CELSR3: variants seen among roughly 807,000 people sequenced by gnomAD.
CELSR3 encodes cadherin EGF LAG seven-pass G-type receptor 3.
A neutral mutation model predicts 270.0 loss-of-function variants in CELSR3; 73 were observed. The observed-to-expected ratio is 0.27, with a 90% CI of 0.22 to 0.33. The LOEUF (loss-of-function observed/expected upper bound fraction) is 0.33. Ranked by LOEUF, CELSR3 falls within the 10% of genes least tolerant of loss-of-function variation. The pLI, the probability that CELSR3 is intolerant of heterozygous loss-of-function variation, is 1.00. For missense variants in CELSR3, 3,614 were observed against 4,533.8 expected (o/e 0.80, Z 5.83); for synonymous variants, 1,780 against 1,905.4 (o/e 0.93, Z 1.71).
rs754913284 is a variant in CELSR3, at chr3:48,645,333, A to G, written c.7797+110T>C. On this transcript the variant is annotated intron_variant, in intron 24 of 34. Transcript: ENST00000164024. The surrounding 1 kb of genome is among the most constrained non-coding windows in gnomAD (Gnocchi z 5.4). Reference sequence around the variant, plus strand: ...ATCTTACCCCAGCATCCTGCTGAAAACCCTGGCCCCAACCTGAGCATCCCT... The same window carrying G: ...ATCTTACCCCAGCATCCTGCTGAAAGCCCTGGCCCCAACCTGAGCATCCCT... The G allele has an allele frequency of 3.2e-6, 5 of 1,556,338 alleles. No individual in the cohort carries two copies. The highest frequency in any genetic ancestry group is 4.4e-6 in the Non-Finnish European group (5 of 1,138,392).
In CELSR3 at chr3:48,641,452, T is replaced by C. The variant is rs1317407158; in HGVS notation, c.8897A>G (p.Gln2966Arg). The C allele has an allele frequency of 1.9e-6, 3 of 1,612,286 alleles. No homozygotes were observed. The East Asian group carries it at 6.7e-5, about 36-fold the overall frequency. ...CAGGCGCCTTTCAGAGCCCCAAGTC[T>C]GCAGAGCACAGGGGGCTGCCTCGCA... is the stretch of plus-strand genomic sequence containing the variant. ...GECEAAPCAL[Q>R]TWGSERRLGL... Residue 2966 changes from glutamine to arginine, a missense_variant, in exon 33 of 35, where the codon CAG becomes CGG. This residue lies in a region of CELSR3 where 1,240 missense variants were observed against 1,351.7 expected (regional missense o/e 0.92). Coordinates refer to ENST00000164024, the MANE Select transcript of CELSR3 (RefSeq NM_001407.3). This position sits in a 1 kb window ranked among gnomAD's most constrained non-coding sequence, Gnocchi z 4.8.
chr3:48,656,405 C>A (rs943129868), intron 2 of CELSR3, 40 bp from the exon 3 acceptor site: 3 of 1,384,904 alleles, frequency 2.2e-6, no homozygotes, highest in African/African-American at 3.1e-5. Flanking sequence ...CACGCCCACG[C>A]CCGCCCCTGC....
rs200275511 is a variant in CELSR3, at chr3:48,638,196, G to A, written c.*9C>T. 1.4e-4 allele frequency: 230 copies of A among 1,611,564 alleles called. No homozygotes were observed. The African/African-American group carries it at 2.8e-3, about 20-fold the overall frequency. ...CCCTCAGCTGTTCCTCGTCCACGCC[G>A]TCATCCCCTCAGGAGTGACCCTCAC... is the stretch of plus-strand genomic sequence containing the variant. On this transcript the variant is annotated 3_prime_UTR_variant, in exon 35 of 35. Transcript: ENST00000164024.
rs1274456913 is a variant in CELSR3 at position 48,642,886 on chromosome 3, TG to T, written c.8407-3del. On this transcript the variant is annotated splice_region_variant and splice_polypyrimidine_tract_variant and intron_variant, in intron 29 of 34. Coordinates refer to ENST00000164024, the MANE Select transcript of CELSR3 (RefSeq NM_001407.3). This position sits in a 1 kb window ranked among gnomAD's most constrained non-coding sequence, Gnocchi z 6.1. ...CGTGTTGTTGTAGGCCCCAGGTCCC[TG>T]GGGGTGGTAGGGACAGAGTGTGAGC... 1 of 1,612,970 alleles carries T rather than the reference TG, an allele frequency of 6.2e-7. No individual in the cohort carries two copies. The highest frequency in any genetic ancestry group is 8.5e-7 in the Non-Finnish European group (1 of 1,179,852).
chr3:48,656,240 C>G lies in CELSR3; in HGVS notation c.4525G>C (p.Glu1509Gln), dbSNP rs530882673. Reference sequence around the variant, plus strand: ...GCAGCCACCTCGCAGCGCGGGCCCTCGAAGGCGCCGCCTGCCGGGCACTGG... The same window carrying G: ...GCAGCCACCTCGCAGCGCGGGCCCTGGAAGGCGCCGCCTGCCGGGCACTGG... ...RCQCPAGGAF[E>Q]GPRCEVAARS... The change falls in exon 3 of 35, where the codon GAG becomes CAG. Residue 1509 changes from glutamate to glutamine, a missense_variant. This residue lies in a region of CELSR3 where 1,331 missense variants were observed against 1,933.7 expected (regional missense o/e 0.69). Transcript: ENST00000164024. 4.1e-5 allele frequency: 63 copies of G among 1,534,534 alleles called. No individual in the cohort carries two copies. The South Asian group carries it at 7.1e-4, about 17-fold the overall frequency.
rs1429839844 is a variant in CELSR3 at position 48,661,916 on chromosome 3, C to T, written c.719G>A (p.Gly240Glu). Residue 240 changes from glycine (G) to glutamate (E), a missense_variant, in exon 1 of 35, where the codon GGA becomes GAA. Physicochemically the swap from Gly to Glu is moderately conservative, Grantham distance 98. Coordinates refer to ENST00000164024, the MANE Select transcript of CELSR3 (RefSeq NM_001407.3). The stretch of plus-strand genomic sequence containing the variant: ...TGCTGAATCCAGCTCGGGGCCAGAT[C>T]CCGAGGCCCCTGGAAGACAGTTCCG... ...PRRNCLPGASGSGPELDSAPR... is the reference protein window; with the variant it reads ...PRRNCLPGASESGPELDSAPR... 1.9e-6 allele frequency: 3 copies of T among 1,612,676 alleles called. No individual in the cohort carries two copies. Among genetic ancestry groups the T allele is most frequent in the African/African-American group, 1.3e-5 (1 of 74,942 alleles).
chr3:48,659,260 C>G lies in CELSR3; in HGVS notation c.3375G>C (p.Thr1125=). 1 of 1,614,138 alleles carries G rather than the reference C, an allele frequency of 6.2e-7. No individual in the cohort carries two copies. The highest frequency in any genetic ancestry group is 8.5e-7 in the Non-Finnish European group (1 of 1,180,026). Residue 1125 remains threonine, a synonymous_variant, in exon 1 of 35, where the codon ACG becomes ACC. Transcript: ENST00000164024. The surrounding 1 kb of genome is among the most constrained non-coding windows in gnomAD (Gnocchi z 8.1). ...FQMDIFSGEL[T]ALIDLDYEAR... The stretch of plus-strand genomic sequence containing the variant: ...CCTCATAGTCTAGGTCAATGAGTGC[C>G]GTCAGTTCTCCAGAGAAGATGTCCA...
In CELSR3 at chr3:48,661,551, A is replaced by G; in HGVS notation, c.1084T>C (p.Tyr362His). The change falls in exon 1 of 35, where the codon TAC (tyrosine) becomes CAC (histidine). Residue 362 changes from tyrosine to histidine, a missense_variant. By Grantham distance (83) the Tyr-to-His change is moderately conservative (BLOSUM62 2). This residue lies in a region of CELSR3 where 354 missense variants were observed against 500.9 expected (regional missense o/e 0.71). Coordinates refer to ENST00000164024, the MANE Select transcript of CELSR3 (RefSeq NM_001407.3). ...CTGTTCATGAGTGCCGCCAGCGAGT[A>G]GACTAGGCGCCCGGCCTCGCCGGCG... ...PDAGEAGRLV[Y>H]SLAALMNSRS... is the part of the protein sequence containing the mutation. 1 of 1,608,152 alleles carries G rather than the reference A, an allele frequency of 6.2e-7. No individual in the cohort carries two copies. Among genetic ancestry groups the G allele is most frequent in the Non-Finnish European group, 8.5e-7 (1 of 1,178,532 alleles).
chr3:48,648,238 G>GGCCC, intron 19 of CELSR3, 28 bp downstream of exon 19: 17 of 1,342,610 alleles, frequency 1.3e-5, no homozygotes, highest in Non-Finnish European at 1.7e-5. Flanking sequence ...CCCCTGCTGT[G>GGCCC]CCCCGCCCTA....
In CELSR3 at chr3:48,656,887, C is replaced by T. The variant is rs1377335353; in HGVS notation, c.4210G>A (p.Ala1404Thr). Residue 1404 changes from alanine to threonine, a missense_variant, in exon 2 of 35, where the codon GCC becomes ACC. Physicochemically the swap from Ala to Thr is moderately conservative, Grantham distance 58 (BLOSUM62 0). Coordinates refer to ENST00000164024, the MANE Select transcript of CELSR3 (RefSeq NM_001407.3). Reference sequence around the variant, plus strand: ...GGTCGGAACAGCGTGGAGGCCGAGGCCAGGAAGGGCGCGGACGAGTCAAAG... The same window carrying T: ...GGTCGGAACAGCGTGGAGGCCGAGGTCAGGAAGGGCGCGGACGAGTCAAAG... ...LRFDSSAPFL[A>T]SASTLFRPIQ... is the part of the protein sequence containing the mutation. 6.2e-7 allele frequency: 1 copy of T among 1,609,446 alleles called. No homozygotes were observed. Among genetic ancestry groups the T allele is most frequent in the East Asian group, 2.2e-5 (1 of 44,746 alleles).
At position 48,662,536 on chromosome 3, in the gene CELSR3, C is replaced by A; in HGVS notation, c.99G>T (p.Glu33Asp). The stretch of plus-strand genomic sequence containing the variant: ...AGCCCTGGTGCCCACCGCCCCCCAG[C>A]TCCTCCTGGCTGAGGGGGAACAAAG... ...LLSLFPLSQEELGGGGHQGWD... is the reference protein window; with the variant it reads ...LLSLFPLSQEDLGGGGHQGWD... Residue 33 changes from glutamate (E) to aspartate (D), a missense_variant, in exon 1 of 35, where the codon GAG becomes GAT. Transcript: ENST00000164024. The surrounding 1 kb of genome is among the most constrained non-coding windows in gnomAD (Gnocchi z 7.1). 1 of 1,602,724 alleles carries A rather than the reference C, an allele frequency of 6.2e-7. No homozygotes were observed.
rs2047017675 is a variant in CELSR3, at chr3:48,640,669, TG to T, written c.9026-111del. 4.8e-6 allele frequency: 6 copies of T among 1,237,510 alleles called. No individual in the cohort carries two copies. Among genetic ancestry groups the T allele is most frequent in the Non-Finnish European group, 6.6e-6 (6 of 915,554 alleles). The allele number at this position is 1,237,510 out of a possible 1,614,324, so 76.7% of individuals were successfully genotyped here. A position where few individuals can be genotyped will look rare whatever the true frequency, so the allele number is the denominator to read the frequency against. On this transcript the variant is annotated intron_variant, in intron 33 of 34. Transcript: ENST00000164024. This position sits in a 1 kb window ranked among gnomAD's most constrained non-coding sequence, Gnocchi z 7.5. The stretch of plus-strand genomic sequence containing the variant: ...CCTTGGGATCCTTCCAACACAGGGA[TG>T]GGAGCAGGAACCCCTTGGGGAGCAG...
At position 48,661,300 on chromosome 3, in the gene CELSR3, A is replaced by T. The variant is rs1168592426; in HGVS notation, c.1335T>A (p.Asn445Lys). The change falls in exon 1 of 35, where the codon AAT becomes AAA. Residue 445 changes from asparagine to lysine, a missense_variant. Physicochemically the swap from Asn to Lys is moderately conservative, Grantham distance 94. Transcript: ENST00000164024. ...GCAGGATAGGGTAGCCCTCCTCCAC[A>T]TTCTCGCGAAGGGTCTCCCGGTACT... is the stretch of plus-strand genomic sequence containing the variant. ...QAQYRETLRENVEEGYPILQL... is the reference protein window; with the variant it reads ...QAQYRETLREKVEEGYPILQL... 1 of 1,613,258 alleles carries T rather than the reference A, an allele frequency of 6.2e-7. No homozygotes were observed.
At chr3:48,648,571 G>A in intron 18 of CELSR3, 110 bp from the exon 19 acceptor site, 1 of 1,376,186 alleles carries the variant, frequency 7.3e-7, no homozygotes, top group Non-Finnish European at 9.7e-7. Flanking sequence ...CAACAGGCAA[G>A]GGGGCGGGGC....
Position 48,654,438 on chromosome 3 carries a change from G to A in CELSR3, c.5003C>T (p.Thr1668Met), listed in dbSNP as rs889878818. 3 of 1,594,698 alleles carry A rather than the reference G, an allele frequency of 1.9e-6. No homozygotes were observed. Among genetic ancestry groups the A allele is most frequent in the African/African-American group, 1.3e-5 (1 of 74,414 alleles). Residue 1668 changes from threonine (T) to methionine (M), a missense_variant, in exon 7 of 35, where the codon ACG (threonine) becomes ATG (methionine). By Grantham distance (81) the Thr-to-Met change is moderately conservative. Transcript: ENST00000164024. This position sits in a 1 kb window ranked among gnomAD's most constrained non-coding sequence, Gnocchi z 5.4. The stretch of plus-strand genomic sequence containing the variant: ...GACACCTCCCAGAAGAAGAGGGCCC[G>A]TCAGGTCCAGGGACCTGGGGATCAG... ...QTSSKKSLDL[T>M]GPLLLGGVPN... is the part of the protein sequence containing the mutation.
At chr3:48,649,275 C>A in intron 16 of CELSR3, 60 bp from the exon 17 acceptor site, 4 of 1,305,186 alleles carry the variant, frequency 3.1e-6, no homozygotes, top group Non-Finnish European at 4.3e-6. Flanking sequence ...GAGGAGATAA[C>A]CGCAGCACCC....
rs747849249 is a variant in CELSR3, at chr3:48,641,822, C to T, written c.8824+29G>A. On this transcript the variant is annotated intron_variant, in intron 32 of 34. Transcript: ENST00000164024. This position sits in a 1 kb window ranked among gnomAD's most constrained non-coding sequence, Gnocchi z 4.8. ...GATAACAAATGGGGCATCCCTTGGT[C>T]ACCCAAGGGGTCAGAGGGCGCCTGG... The T allele has an allele frequency of 9.8e-6, 14 of 1,431,570 alleles. No homozygotes were observed. The East Asian group carries it at 3.3e-4, about 34-fold the overall frequency. 88.7% of individuals were successfully genotyped at this position (1,431,570 alleles called of 1,614,324 possible). A position where few individuals can be genotyped will look rare whatever the true frequency, so the allele number is the denominator to read the frequency against.
chr3:48,654,028 A>G lies in CELSR3; in HGVS notation c.5153-25T>C. 1 of 1,609,070 alleles carries G rather than the reference A, an allele frequency of 6.2e-7. No homozygotes were observed. The highest frequency in any genetic ancestry group is 8.5e-7 in the Non-Finnish European group (1 of 1,176,978). On this transcript the variant is annotated intron_variant, in intron 7 of 34. Coordinates refer to ENST00000164024, the MANE Select transcript of CELSR3 (RefSeq NM_001407.3). The surrounding 1 kb of genome is among the most constrained non-coding windows in gnomAD (Gnocchi z 5.4). ...CCTGGGAGAGGAAAGCACATGGCGGACATGAGAACAAGGGTTGGGGGGCAC... is the reference window on the plus strand; with the variant it reads ...CCTGGGAGAGGAAAGCACATGGCGGGCATGAGAACAAGGGTTGGGGGGCAC...
In CELSR3 at chr3:48,650,284, G is replaced by A. The variant is rs1248672262; in HGVS notation, c.6472+196C>T. ...AACACGTACCCCTTACCTGCACCCC[G>A]CAATCCTGCCCAGAAGCCAAGAGAA... On this transcript the variant is annotated intron_variant, in intron 16 of 34. Transcript: ENST00000164024. The surrounding 1 kb of genome is among the most constrained non-coding windows in gnomAD (Gnocchi z 5.1). 1.5e-6 allele frequency: 1 copy of A among 684,380 alleles called. No individual in the cohort carries two copies. The highest frequency in any genetic ancestry group is 2.0e-5 in the Admixed American group (1 of 49,226). The allele number at this position is 684,380 out of a possible 1,614,324, so 42.4% of individuals were successfully genotyped here.
Sources: gnomAD v4.1 joint callset for allele counts on GRCh38, gnomAD v4.1.1 for gene constraint, gnomAD v4.1.1 regional missense constraint, Gnocchi (gnomAD v3.1) non-coding constraint, MANE v1.5 for transcripts, NCBI Gene and HGNC (gene_info 2026-07-23, HGNC 2026-07-21) for gene names.